The following MACROD2 variants were observed in gnomAD, a reference collection of about 807,000 sequenced individuals.
MACROD2 encodes ADP-ribose glycohydrolase MACROD2.
In MACROD2, 36 loss-of-function variants were observed where a neutral mutation model predicts 70.4. The ratio of observed to expected loss-of-function variants is 0.51; its 90% CI spans 0.39 to 0.68. The LOEUF (loss-of-function observed/expected upper bound fraction) is 0.68, where lower values mean the gene tolerates loss of function less well. MACROD2 is among the 30% of genes least tolerant of loss of function. The probability of loss-of-function intolerance (pLI) is 0.00; values close to 1 mark genes in which losing one functional copy is unlikely to be tolerated. For missense variants in MACROD2, 496 were observed against 538.4 expected (o/e 0.92, Z 0.78); for synonymous variants, 172 against 178.8 (o/e 0.96, Z 0.30).
At chr20:15,493,537 A>ATGTC (rs1332021612) in intron 7 of MACROD2, among the ~76,000 whole-genome samples, 2 of 152,214 alleles carry the variant, frequency 1.3e-5, no homozygotes, top group Non-Finnish European at 1.5e-5. Context: ...AGAGTAAGTC[A>ATGTC]TGTCTATCTT....
chr20:14,434,764 T>C (rs2084037336), intron 3 of MACROD2, among the ~76,000 whole-genome samples: 1 of 152,206 alleles, frequency 6.6e-6, no homozygotes, highest in Non-Finnish European at 1.5e-5. Context: ...TCAAAACTCC[T>C]TGAAATGGTT....
At chr20:14,661,710 T>G (rs1600511329) in intron 4 of MACROD2, among the ~76,000 whole-genome samples, 1 of 152,100 alleles carries the variant, frequency 6.6e-6, no homozygotes, top group African/African-American at 2.4e-5. Flanking sequence ...TATATTTTCT[T>G]CAGAAACCAG....
In MACROD2 at chr20:15,504,360, C is replaced by G. The variant is rs1600505467; in HGVS notation, c.645+4513C>G. ...AGCTCTAGCAGAAGAGCTAAAGCAG[C>G]ACTTTAACAAAAAGAAAAGAAAAAA... On this transcript the variant is annotated intron_variant, in intron 8 of 17. Transcript: ENST00000684519. Among the ~76,000 whole-genome samples, 6 of 151,794 alleles carry G rather than the reference C, an allele frequency of 4.0e-5. No homozygotes were observed. In the South Asian group the frequency reaches 1.3e-3, roughly 32 times the overall value.
At chr20:15,218,709 CAAAG>C (rs1427242582) in intron 5 of MACROD2, among the ~76,000 whole-genome samples, 1 of 152,020 alleles carries the variant, frequency 6.6e-6, no homozygotes, top group Non-Finnish European at 1.5e-5. Context: ...CCGATTATCT[CAAAG>C]AAGAGGAAAA....
At chr20:15,174,932 A>G (rs2145893471) in intron 5 of MACROD2, among the ~76,000 whole-genome samples, 1 of 152,018 alleles carries the variant, frequency 6.6e-6, no homozygotes, top group Admixed American at 6.5e-5. Context: ...TAGGTTGTGA[A>G]AATTTTCTCC....
At chr20:15,415,442 A>C (rs1396460890) in intron 6 of MACROD2, among the ~76,000 whole-genome samples, 1 of 152,224 alleles carries the variant, frequency 6.6e-6, no homozygotes, top group East Asian at 1.9e-4. Flanking sequence ...CCACTTTCAG[A>C]GAATCCCAAA....
chr20:14,431,536 A>G (rs1271824300), intron 3 of MACROD2, among the ~76,000 whole-genome samples: 1 of 152,200 alleles, frequency 6.6e-6, no homozygotes, highest in Non-Finnish European at 1.5e-5. Flanking sequence ...AGTTTTTACA[A>G]GTAAAATTAT....
intron 5 of MACROD2, among the ~76,000 whole-genome samples, chr20:15,057,560 T>G (rs2075496616): frequency 6.6e-6 from 1 of 152,164 alleles, no homozygotes; most frequent in Non-Finnish European, 1.5e-5. Flanking sequence ...TAACTACAAA[T>G]CCTTTCCCAT....
chr20:15,195,146 G>A (rs115150461), intron 5 of MACROD2, among the ~76,000 whole-genome samples: 1,762 of 152,198 alleles, frequency 0.012, 26 homozygotes, highest in African/African-American at 0.039. Flanking sequence ...AGAAAACCTA[G>A]GTGATACCAT....
chr20:15,272,627 A>C (rs951880904), intron 6 of MACROD2, among the ~76,000 whole-genome samples: 2 of 152,182 alleles, frequency 1.3e-5, no homozygotes, highest in Non-Finnish European at 2.9e-5. Flanking sequence ...TCAGCATTGT[A>C]CGCATGTACC....
rs184541428 is a variant in MACROD2 at position 14,757,655 on chromosome 20, C to A, written c.418+72696C>A. The A allele has an allele frequency of 3.6e-5, 46 of 1,270,620 alleles. No homozygotes were observed. The African/African-American group carries it at 6.3e-4, about 17-fold the overall frequency. 78.7% of individuals were successfully genotyped at this position (1,270,620 alleles called of 1,614,324 possible). A position where few individuals can be genotyped will look rare whatever the true frequency, so the allele number is the denominator to read the frequency against. On this transcript the variant is annotated intron_variant, in intron 5 of 17. Coordinates refer to ENST00000684519, the MANE Select transcript of MACROD2 (RefSeq NM_001351661.2). Reference sequence around the variant, plus strand: ...CAAGGACATCCACATGCCTAAGCACCTGGAGCTGTCAGACAAGAATGTGTC... The same window carrying A: ...CAAGGACATCCACATGCCTAAGCACATGGAGCTGTCAGACAAGAATGTGTC...
chr20:14,223,853 T>C (rs1429889326), intron 3 of MACROD2, among the ~76,000 whole-genome samples: 2 of 152,134 alleles, frequency 1.3e-5, no homozygotes, highest in East Asian at 1.9e-4. Flanking sequence ...GAAACAGAGC[T>C]AACAGGATGT....
At chr20:14,844,975 C>G (rs926959632) in intron 5 of MACROD2, among the ~76,000 whole-genome samples, 5 of 152,050 alleles carry the variant, frequency 3.3e-5, no homozygotes, top group Non-Finnish European at 7.4e-5. Flanking sequence ...TTGTCCATGG[C>G]CTTAAATGCC....
chr20:15,456,905 A>T (rs2046734685), intron 7 of MACROD2, among the ~76,000 whole-genome samples: 1 of 151,942 alleles, frequency 6.6e-6, no homozygotes, highest in Non-Finnish European at 1.5e-5. Flanking sequence ...CTGTCCCTTC[A>T]TGGGCTTTAT....
intron 3 of MACROD2, among the ~76,000 whole-genome samples, chr20:14,456,550 A>T (rs1312748265): frequency 6.6e-6 from 1 of 151,744 alleles, no homozygotes; most frequent in Non-Finnish European, 1.5e-5. Context: ...TTACACTTAG[A>T]CATTTCTAGG....
At chr20:16,023,260 G>A (rs2067028241) in intron 15 of MACROD2, among the ~76,000 whole-genome samples, 1 of 151,624 alleles carries the variant, frequency 6.6e-6, no homozygotes, top group Admixed American at 6.6e-5. Context: ...CAGATTACGA[G>A]GTCAGGAGAT....
At chr20:15,184,638 TGA>T (rs1388840668) in intron 5 of MACROD2, among the ~76,000 whole-genome samples, 2 of 152,202 alleles carry the variant, frequency 1.3e-5, no homozygotes, top group African/African-American at 4.8e-5. Flanking sequence ...TGGCTGGACC[TGA>T]GAGTGGCCTT....
intron 2 of MACROD2, among the ~76,000 whole-genome samples, chr20:14,019,069 C>T (rs2053032796): frequency 6.6e-6 from 1 of 152,076 alleles, no homozygotes; most frequent in African/African-American, 2.4e-5. Flanking sequence ...GCACTCCTTG[C>T]TTCTTAATTT....
chr20:14,031,561 T>C (rs1026886067), intron 2 of MACROD2, among the ~76,000 whole-genome samples: 4 of 152,130 alleles, frequency 2.6e-5, no homozygotes, highest in Non-Finnish European at 5.9e-5. Flanking sequence ...TTCCTGGACA[T>C]TGATTTATGT....
Sources: allele counts gnomAD v4.1 joint callset (sites outside exome capture counted in the v4.1 genomes callset), GRCh38; gene constraint gnomAD v4.1.1; transcripts MANE v1.5; gene names NCBI Gene and HGNC (gene_info 2026-07-23, HGNC 2026-07-21).